The following C16orf92 variants were observed in gnomAD, a reference collection of about 807,000 sequenced individuals.
The protein encoded by C16orf92 is fertilization-influencing membrane protein 1, also known as fertilization-influencing membrane protein.
A neutral mutation model predicts 13.7 loss-of-function variants in C16orf92; 14 were observed. The observed-to-expected ratio is 1.02, with a 90% confidence interval of 0.67 to 1.60. The LOEUF is 1.60. C16orf92 is among the 40% of genes most tolerant of loss of function. The pLI, the probability that C16orf92 is intolerant of heterozygous loss-of-function variation, is 0.00. For missense variants in C16orf92, 116 were observed against 139.0 expected (o/e 0.83, Z 0.83); for synonymous variants, 50 against 57.4 (o/e 0.87, Z 0.58).
chr16:30,024,896 T>C, downstream of C16orf92: 1 of 361,570 alleles, frequency 2.8e-6, no homozygotes, highest in Non-Finnish European at 4.9e-6. Flanking sequence ...TGAAACCCTG[T>C]TGGTGTCCCT....
At chr16:30,025,509 T>C (rs2071082127), downstream of C16orf92, 3 of 1,605,284 alleles carry the variant, frequency 1.9e-6, no homozygotes, top group African/African-American at 1.3e-5. The surrounding 1 kb of genome is among the most constrained non-coding windows in gnomAD (Gnocchi z 4.1). Flanking sequence ...GCAGAAGGGC[T>C]CGGCCCCCCT....
chr16:30,023,497 C>G, intron 1 of C16orf92, 93 bp downstream of exon 1: 1 of 1,417,838 alleles, frequency 7.1e-7, no homozygotes, highest in Non-Finnish European at 9.8e-7. Flanking sequence ...CAACCCTGCA[C>G]CCTCTCATTT....
downstream of C16orf92, chr16:30,026,872 G>T (rs147406823): frequency 6.3e-7 from 1 of 1,593,758 alleles, no homozygotes; most frequent in Non-Finnish European, 8.6e-7. Flanking sequence ...GGGTGGGGGA[G>T]CAAGGAGGAA....
At chr16:30,025,246 A>G (rs1163621477), downstream of C16orf92, 6 of 1,533,096 alleles carry the variant, frequency 3.9e-6, no homozygotes, top group Non-Finnish European at 5.3e-6. This position sits in a 1 kb window ranked among gnomAD's most constrained non-coding sequence, Gnocchi z 4.1. Context: ...GGCAGGCCCC[A>G]CGGCAGATGA....
Position 30,024,224 on chromosome 16 carries a change from C to T in C16orf92, c.330C>T (p.Ala110=). The change falls in exon 4 of 4, where the codon GCC becomes GCT. Residue 110 remains alanine (A), a synonymous_variant. Coordinates refer to ENST00000681219, the MANE Select transcript of C16orf92 (RefSeq NM_001109659.2). Reference sequence around the variant, plus strand: ...CCCACAGAAACTTCCAGAAAGGGGCCTAAAGAGCCGGACAAGGGCTCTGGA... The same window carrying T: ...CCCACAGAAACTTCCAGAAAGGGGCTTAAAGAGCCGGACAAGGGCTCTGGA... The part of the protein sequence containing the change: ...FCTHINFQKG[A] The T allele has an allele frequency of 6.2e-7, 1 of 1,614,072 alleles. No individual in the cohort carries two copies. Among genetic ancestry groups the T allele is most frequent in the Non-Finnish European group, 8.5e-7 (1 of 1,179,946 alleles).
At chr16:30,025,359 G>A (rs202084270), downstream of C16orf92, 100 of 1,598,450 alleles carry the variant, frequency 6.3e-5, no homozygotes, top group East Asian at 1.3e-3. The surrounding 1 kb of genome is among the most constrained non-coding windows in gnomAD (Gnocchi z 4.1). Flanking sequence ...CCGGCATGGC[G>A]CCCGTAGGCC....
Position 30,024,340 on chromosome 16 carries a change from G to C in C16orf92, c.*113G>C. On this transcript the variant is annotated 3_prime_UTR_variant, in exon 4 of 4. Transcript: ENST00000681219. Reference sequence around the variant, plus strand: ...TCCCTGACTGCCCAGCGAGCAGCTGGGGATCCTGTCCCCTCTGTTTCCCAT... The same window carrying C: ...TCCCTGACTGCCCAGCGAGCAGCTGCGGATCCTGTCCCCTCTGTTTCCCAT... 2 of 1,402,140 alleles carry C rather than the reference G, an allele frequency of 1.4e-6. No homozygotes were observed. Among genetic ancestry groups the C allele is most frequent in the Non-Finnish European group, 2.0e-6 (2 of 1,021,746 alleles). 86.9% of individuals were successfully genotyped at this position (1,402,140 alleles called of 1,614,324 possible).
chr16:30,025,667 G>T (rs767332753), downstream of C16orf92: 1 of 1,564,992 alleles, frequency 6.4e-7, no homozygotes, highest in South Asian at 1.1e-5. This position sits in a 1 kb window ranked among gnomAD's most constrained non-coding sequence, Gnocchi z 4.1. Context: ...AACCTTGAAG[G>T]TCCCTCCCCT....
In C16orf92 at chr16:30,024,678, A is replaced by G. The variant is rs1157694562; in HGVS notation, c.*451A>G. ...AACAGACTAGTTCAAATTTGGGTAA[A>G]TAAATAAAATAAATAAGATTCCTCA... is the stretch of plus-strand genomic sequence containing the variant. On this transcript the variant is annotated 3_prime_UTR_variant, in exon 4 of 4. Coordinates refer to ENST00000681219, the MANE Select transcript of C16orf92 (RefSeq NM_001109659.2). 5.3e-6 allele frequency: 1 copy of G among 187,622 alleles called. No individual in the cohort carries two copies. Among genetic ancestry groups the G allele is most frequent in the African/African-American group, 2.4e-5 (1 of 42,516 alleles). 11.6% of individuals were successfully genotyped at this position (187,622 alleles called of 1,614,324 possible).
In C16orf92 at chr16:30,024,528, G is replaced by T; in HGVS notation, c.*301G>T. ...AGCCTTGAGAGGTCAGTAGCACCAG[G>T]GACATGGCAGGGCCCGAGGGCGCGA... On this transcript the variant is annotated 3_prime_UTR_variant, in exon 4 of 4. Transcript: ENST00000681219. 2.1e-6 allele frequency: 1 copy of T among 473,184 alleles called. No individual in the cohort carries two copies. Among genetic ancestry groups the T allele is most frequent in the Non-Finnish European group, 3.8e-6 (1 of 265,386 alleles). The allele number at this position is 473,184 out of a possible 1,614,324, so 29.3% of individuals were successfully genotyped here. A position where few individuals can be genotyped will look rare whatever the true frequency, so the allele number is the denominator to read the frequency against.
chr16:30,025,330 C>A, downstream of C16orf92: 1 of 1,576,478 alleles, frequency 6.3e-7, no homozygotes. The surrounding 1 kb of genome is among the most constrained non-coding windows in gnomAD (Gnocchi z 4.1). Context: ...TGGCCAGGGG[C>A]ACGGCCAGCA....
At chr16:30,027,562 A>G (rs1396045584), downstream of C16orf92, 2 of 455,970 alleles carry the variant, frequency 4.4e-6, no homozygotes, top group African/African-American at 4.0e-5. Context: ...GCCCTGCCCC[A>G]AAGTCACCCA....
chr16:30,024,674 G>T lies in C16orf92; in HGVS notation c.*447G>T, dbSNP rs1403846389. On this transcript the variant is annotated 3_prime_UTR_variant, in exon 4 of 4. Transcript: ENST00000681219. The stretch of plus-strand genomic sequence containing the variant: ...ACCCAACAGACTAGTTCAAATTTGG[G>T]TAAATAAATAAAATAAATAAGATTC... 1 of 193,622 alleles carries T rather than the reference G, an allele frequency of 5.2e-6. No homozygotes were observed. Among genetic ancestry groups the T allele is most frequent in the African/African-American group, 2.3e-5 (1 of 42,702 alleles). The allele number at this position is 193,622 out of a possible 1,614,324, so 12.0% of individuals were successfully genotyped here.
downstream of C16orf92, chr16:30,025,941 CCTGGGTGCAGGG>C: frequency 1.3e-6 from 1 of 768,156 alleles, no homozygotes; most frequent in Non-Finnish European, 2.2e-6. The surrounding 1 kb of genome is among the most constrained non-coding windows in gnomAD (Gnocchi z 4.1). Context: ...CATCAGAACA[CCTGGGTGCAGGG>C]CTGGGTGCAG....
rs1283473210 is a variant in C16orf92, at chr16:30,024,097, C to A, written c.311+11C>A. 1 of 1,610,774 alleles carries A rather than the reference C, an allele frequency of 6.2e-7. No homozygotes were observed. Among genetic ancestry groups the A allele is most frequent in the South Asian group, 1.1e-5 (1 of 90,992 alleles). On this transcript the variant is annotated intron_variant, in intron 3 of 3. Coordinates refer to ENST00000681219, the MANE Select transcript of C16orf92 (RefSeq NM_001109659.2). ...GTTCTGCACCCACATGTAAGGCCTG[C>A]CCCCTTTCTCCAACCCCACCCACCA...
downstream of C16orf92, chr16:30,025,971 C>T (rs996703452): frequency 1.7e-5 from 11 of 643,706 alleles, no homozygotes; most frequent in African/African-American, 5.5e-5. This position sits in a 1 kb window ranked among gnomAD's most constrained non-coding sequence, Gnocchi z 4.1. Context: ...CAGTGGCTCA[C>T]GCCGGTAATC....
At chr16:30,026,712 G>A (rs763015790), downstream of C16orf92, 4 of 1,613,996 alleles carry the variant, frequency 2.5e-6, no homozygotes, top group African/African-American at 2.7e-5. Flanking sequence ...GCTGCCCGGG[G>A]CTCTGGCCGC....
downstream of C16orf92, chr16:30,025,209 G>T (rs1358746856): frequency 7.4e-6 from 11 of 1,492,710 alleles, no homozygotes; most frequent in East Asian, 2.5e-5. The surrounding 1 kb of genome is among the most constrained non-coding windows in gnomAD (Gnocchi z 4.1). Flanking sequence ...CAGGCCGGGG[G>T]CGGCCGGGAG....
downstream of C16orf92, chr16:30,025,023 C>T: frequency 1.8e-6 from 1 of 558,482 alleles, no homozygotes; most frequent in South Asian, 2.6e-5. This position sits in a 1 kb window ranked among gnomAD's most constrained non-coding sequence, Gnocchi z 4.1. Context: ...TCTCCACCCC[C>T]TCAGTCCCCG....
Sources: gnomAD v4.1 joint callset for allele counts on GRCh38, gnomAD v4.1.1 for gene constraint, Gnocchi (gnomAD v3.1) non-coding constraint, MANE v1.5 for transcripts, NCBI Gene and HGNC (gene_info 2026-07-23, HGNC 2026-07-21) for gene names.